The following PRKN variants were observed in gnomAD, a reference collection of about 807,000 sequenced individuals.
PRKN encodes the protein parkin RBR E3 ubiquitin protein ligase.
In PRKN, 56 loss-of-function variants were observed where a neutral mutation model predicts 59.5. That is an observed-to-expected ratio of 0.94 (90% CI 0.76 to 1.18). PRKN has a LOEUF of 1.18. Ranked by LOEUF, PRKN falls within the 50% of genes most tolerant of loss-of-function variation. The pLI, the probability that PRKN is intolerant of heterozygous loss-of-function variation, is 0.00. For missense variants in PRKN, 657 were observed against 596.4 expected, an observed-to-expected ratio of 1.10 and a Z score of -1.06; for synonymous variants, 250 against 222.1, an observed-to-expected ratio of 1.13 and a Z score of -1.12.
rs1241073912 is a variant in PRKN at position 161,550,580 on chromosome 6, G to A, written c.934-1577C>T. 6.6e-6 allele frequency among the ~76,000 whole-genome samples: 1 copy of A among 152,154 alleles called. No homozygotes were observed. Among genetic ancestry groups the A allele is most frequent in the South Asian group, 2.1e-4 (1 of 4,832 alleles). On this transcript the variant is annotated intron_variant, in intron 8 of 11. Coordinates refer to ENST00000366898, the MANE Select transcript of PRKN (RefSeq NM_004562.3). This position sits in a 1 kb window ranked among gnomAD's most constrained non-coding sequence, Gnocchi z 4.0. ...TTGAATTCTGGGTATAAATTAAAGG[G>A]AGAAGTTGCAGAATTTTCAGTCAGG...
chr6:161,566,570 C>G lies in PRKN; in HGVS notation c.933+2785G>C, dbSNP rs1425750049. Among the ~76,000 whole-genome samples, 1 of 152,154 alleles carries G rather than the reference C, an allele frequency of 6.6e-6. No individual in the cohort carries two copies. The highest frequency in any genetic ancestry group is 1.5e-5 in the Non-Finnish European group (1 of 68,030). On this transcript the variant is annotated intron_variant, in intron 8 of 11. Coordinates refer to ENST00000366898, the MANE Select transcript of PRKN (RefSeq NM_004562.3). The surrounding 1 kb of genome is among the most constrained non-coding windows in gnomAD (Gnocchi z 4.1). ...TACAGGCGCCCGCCACCACACCCAG[C>G]TAACTTCTGTATTTTTAGTAGAGAC...
intron 1 of PRKN, among the ~76,000 whole-genome samples, chr6:162,689,902 T>C (rs1021135951): frequency 3.3e-5 from 5 of 152,186 alleles, no homozygotes; most frequent in Admixed American, 2.6e-4. Context: ...AACCAAATAC[T>C]GCTAGGCCAA....
At chr6:162,410,272 C>T (rs1039034888) in intron 2 of PRKN, among the ~76,000 whole-genome samples, 4 of 152,008 alleles carry the variant, frequency 2.6e-5, no homozygotes, top group Admixed American at 6.6e-5. Flanking sequence ...GTATTCTTTG[C>T]CCCCATGGGG....
rs1234489943 is a variant in PRKN at position 162,337,528 on chromosome 6, GT to G, written c.172-74764del. 2.6e-5 allele frequency among the ~76,000 whole-genome samples: 4 copies of G among 152,186 alleles called. No homozygotes were observed. The East Asian group carries it at 7.7e-4, about 29-fold the overall frequency. On this transcript the variant is annotated intron_variant, in intron 2 of 11. Transcript: ENST00000366898. The stretch of plus-strand genomic sequence containing the variant: ...AAGTTATTTTCAGACTTAATCAGTT[GT>G]AAGTAAAGTGTGAGGGATTTGAGAA...
At chr6:162,694,016 G>A (rs905592923) in intron 1 of PRKN, among the ~76,000 whole-genome samples, 2 of 152,092 alleles carry the variant, frequency 1.3e-5, no homozygotes, top group Non-Finnish European at 2.9e-5. Flanking sequence ...GGGAGGCCGA[G>A]GCGGGCAGAT....
At chr6:162,623,096 T>C (rs1255081890) in intron 1 of PRKN, among the ~76,000 whole-genome samples, 1 of 152,230 alleles carries the variant, frequency 6.6e-6, no homozygotes, top group African/African-American at 2.4e-5. Flanking sequence ...GGAAACCCAG[T>C]CATTAGGCTT....
rs1021831566 is a variant in PRKN, at chr6:161,529,435, G to C, written c.1083+19419C>G. 2.6e-5 allele frequency among the ~76,000 whole-genome samples: 4 copies of C among 152,172 alleles called. No homozygotes were observed. Among genetic ancestry groups the C allele is most frequent in the African/African-American group, 9.7e-5 (4 of 41,444 alleles). Reference sequence around the variant, plus strand: ...GCATGCAAGAAAGCTCCGAGTCTTAGAGATGGAAGAGGCCTCCTTTTGTAG... The same window carrying C: ...GCATGCAAGAAAGCTCCGAGTCTTACAGATGGAAGAGGCCTCCTTTTGTAG... On this transcript the variant is annotated intron_variant, in intron 9 of 11. Coordinates refer to ENST00000366898, the MANE Select transcript of PRKN (RefSeq NM_004562.3). This position sits in a 1 kb window ranked among gnomAD's most constrained non-coding sequence, Gnocchi z 4.4.
At position 161,468,670 on chromosome 6, in the gene PRKN, C is replaced by A. The variant is rs1446832208; in HGVS notation, c.1083+80184G>T. Among the ~76,000 whole-genome samples the A allele has an allele frequency of 6.6e-6, 1 of 152,184 alleles. No individual in the cohort carries two copies. Among genetic ancestry groups the A allele is most frequent in the Non-Finnish European group, 1.5e-5 (1 of 68,044 alleles). On this transcript the variant is annotated intron_variant, in intron 9 of 11. Transcript: ENST00000366898. This position sits in a 1 kb window ranked among gnomAD's most constrained non-coding sequence, Gnocchi z 5.9. ...AAGTTACCATCTCCTGTCCTTGCAT[C>A]CATGGCCGGGGAATTACTCTGCTAT...
intron 1 of PRKN, among the ~76,000 whole-genome samples, chr6:162,676,396 C>A (rs1004834200): frequency 1.3e-5 from 2 of 151,922 alleles, no homozygotes; most frequent in African/African-American, 2.4e-5. Flanking sequence ...ACTTTATTGT[C>A]AGAGATTGGG....
intron 10 of PRKN, among the ~76,000 whole-genome samples, chr6:161,384,379 CA>C (rs1424103256): frequency 3.3e-5 from 5 of 151,472 alleles, no homozygotes; most frequent in Admixed American, 3.3e-4. Context: ...CCTGTCTCTA[CA>C]AAAAATACAA....
chr6:161,746,152 C>T lies in PRKN; in HGVS notation c.871+39620G>A, dbSNP rs531239873. On this transcript the variant is annotated intron_variant, in intron 7 of 11. Coordinates refer to ENST00000366898, the MANE Select transcript of PRKN (RefSeq NM_004562.3). ...CACTAATGAAATAAGGGCCTGGGTG[C>T]CCGAGTAATTTCCTAAAGTGAAACT... is the stretch of plus-strand genomic sequence containing the variant. Among the ~76,000 whole-genome samples the T allele has an allele frequency of 2.0e-5, 3 of 152,326 alleles. No individual in the cohort carries two copies. The South Asian group carries it at 6.2e-4, about 32-fold the overall frequency.
rs1583092349 is a variant in PRKN at position 161,456,070 on chromosome 6, G to A, written c.1084-69193C>T. 2.0e-5 allele frequency among the ~76,000 whole-genome samples: 3 copies of A among 152,254 alleles called. No homozygotes were observed. The South Asian group carries it at 6.2e-4, about 32-fold the overall frequency. On this transcript the variant is annotated intron_variant, in intron 9 of 11. Coordinates refer to ENST00000366898, the MANE Select transcript of PRKN (RefSeq NM_004562.3). This position sits in a 1 kb window ranked among gnomAD's most constrained non-coding sequence, Gnocchi z 4.8. ...TCTAGGGGAAGCAAAGGGCTCCTGT[G>A]TTGTGATGGTTAATATTGAGTGTCA...
intron 2 of PRKN, among the ~76,000 whole-genome samples, chr6:162,385,826 T>A (rs1367967974): frequency 6.6e-6 from 1 of 152,046 alleles, no homozygotes; most frequent in African/African-American, 2.4e-5. Context: ...TTCAATCTTT[T>A]AAAAACCAAC....
rs71004055 is a variant in PRKN at position 161,581,041 on chromosome 6, A to AACACACACACACAC, written c.872-11639_872-11626dup. On this transcript the variant is annotated intron_variant, in intron 7 of 11. Coordinates refer to ENST00000366898, the MANE Select transcript of PRKN (RefSeq NM_004562.3). This position sits in a 1 kb window ranked among gnomAD's most constrained non-coding sequence, Gnocchi z 4.5. Reference sequence around the variant, plus strand: ...ACACAGTGAAATCCTGTCTCTACTAAACACACACACACACACACACACACA... The same window carrying AACACACACACACAC: ...ACACAGTGAAATCCTGTCTCTACTAAACACACACACACACACACACACACACACACACACACACA... 6.6e-3 allele frequency among the ~76,000 whole-genome samples: 912 copies of AACACACACACACAC among 137,596 alleles called. 11 individuals are homozygous for AACACACACACACAC. The highest frequency in any genetic ancestry group is 0.046 in the East Asian group (203 of 4,416). 90.3% of individuals were successfully genotyped at this position (137,596 alleles called of 152,430 possible).
At chr6:161,805,476 A>G (rs1791273004) in intron 6 of PRKN, among the ~76,000 whole-genome samples, 1 of 72,202 alleles carries the variant, frequency 1.4e-5, no homozygotes, top group Non-Finnish European at 3.3e-5. Flanking sequence ...ACACACACAC[A>G]CACATGCATG....
intron 6 of PRKN, among the ~76,000 whole-genome samples, chr6:161,940,281 C>CAA (rs5881443): frequency 0.012 from 1,805 of 148,082 alleles, 35 homozygotes; most frequent in African/African-American, 0.04. Flanking sequence ...AAAAATATAG[C>CAA]AAAAAAAAAA....
Position 161,533,975 on chromosome 6 carries a change from G to C in PRKN, c.1083+14879C>G, listed in dbSNP as rs76902095. ...CGTCACAGTGGTCTCTGTGACTTCA[G>C]TGAACCCCCTTTCCACCTGTCCTCC... On this transcript the variant is annotated intron_variant, in intron 9 of 11. Coordinates refer to ENST00000366898, the MANE Select transcript of PRKN (RefSeq NM_004562.3). This position sits in a 1 kb window ranked among gnomAD's most constrained non-coding sequence, Gnocchi z 4.1. 0.089 allele frequency among the ~76,000 whole-genome samples: 13,492 copies of C among 151,968 alleles called. 913 individuals carry two copies. Among genetic ancestry groups the C allele is most frequent in the African/African-American group, 0.19 (7,949 of 41,382 alleles).
chr6:161,617,329 C>T (rs1339339826), intron 7 of PRKN, among the ~76,000 whole-genome samples: 1 of 152,170 alleles, frequency 6.6e-6, no homozygotes, highest in Admixed American at 6.5e-5. Context: ...GGATAGAGTG[C>T]AAAAATTTTC....
At position 162,227,150 on chromosome 6, in the gene PRKN, G is replaced by A. The variant is rs139938535; in HGVS notation, c.413-25898C>T. ...GTATGGGACTTGCATACAGTCTTCC[G>A]CATATGTACATCTTTACGTAGTTGG... On this transcript the variant is annotated intron_variant, in intron 3 of 11. Transcript: ENST00000366898. Among the ~76,000 whole-genome samples, 393 of 152,220 alleles carry A rather than the reference G, an allele frequency of 2.6e-3. 4 individuals are homozygous for A. Among genetic ancestry groups the A allele is most frequent in the African/African-American group, 9.2e-3 (381 of 41,538 alleles).
Sources: allele counts gnomAD v4.1 joint callset (sites outside exome capture counted in the v4.1 genomes callset), GRCh38; gene constraint gnomAD v4.1.1; non-coding constraint Gnocchi (gnomAD v3.1); transcripts MANE v1.5; gene names NCBI Gene and HGNC (gene_info 2026-07-23, HGNC 2026-07-21).